Variants in ELMOD3 observed in about 807,000 individuals in gnomAD.
ELMOD3 encodes ELMO domain-containing protein 3.
In ELMOD3, 36 loss-of-function variants were observed where a neutral mutation model predicts 47.4. The observed-to-expected ratio is 0.76, with a 90% confidence interval of 0.58 to 1.00. ELMOD3 has a LOEUF of 1.00. ELMOD3 is among the 50% of genes least tolerant of loss of function. ELMOD3 has a pLI of 0.00. For synonymous variants in ELMOD3, 149 were observed against 183.5 expected (o/e 0.81, Z 1.52); for missense variants, 404 against 463.8 (o/e 0.87, Z 1.18).
Position 85,357,024 on chromosome 2 carries a change from A to G in ELMOD3, c.-175A>G. 1 of 526,582 alleles carries G rather than the reference A, an allele frequency of 1.9e-6. No individual in the cohort carries two copies. The highest frequency in any genetic ancestry group is 3.4e-6 in the Non-Finnish European group (1 of 297,454). The allele number at this position is 526,582 out of a possible 1,614,324, so 32.6% of individuals were successfully genotyped here. A position where few individuals can be genotyped will look rare whatever the true frequency, so the allele number is the denominator to read the frequency against. ...CTCAGCACTCACAGAAACCTCCTAC[A>G]CCCTCGGATGGCACAAAGGGACTGT... On this transcript the variant is annotated 5_prime_UTR_variant, in exon 4 of 14. Transcript: ENST00000409013.
intron 11 of ELMOD3, among the ~76,000 whole-genome samples, chr2:85,385,195 G>T (rs1250892331): frequency 6.6e-6 from 1 of 152,204 alleles, no homozygotes; most frequent in Admixed American, 6.5e-5. Flanking sequence ...CAAGAAAGGA[G>T]TGTGTCTAGC....
In ELMOD3 at chr2:85,371,083, C is replaced by T. The variant is rs1684753614; in HGVS notation, c.361-3C>T. ...TGCCCATTGCCTGCAACTTCTTCCC[C>T]AGAAAAGAATCCAGCCAACTATTCG... On this transcript the variant is annotated splice_region_variant and splice_polypyrimidine_tract_variant and intron_variant, in intron 8 of 13. Coordinates refer to ENST00000409013, the MANE Select transcript of ELMOD3 (RefSeq NM_001135022.2). The T allele has an allele frequency of 6.2e-7, 1 of 1,613,538 alleles. No homozygotes were observed. The highest frequency in any genetic ancestry group is 1.3e-5 in the African/African-American group (1 of 75,046).
intron 6 of ELMOD3, among the ~76,000 whole-genome samples, chr2:85,366,225 C>T (rs1464893226): frequency 6.6e-5 from 10 of 151,348 alleles, no homozygotes; most frequent in African/African-American, 2.2e-4. Context: ...CCCACCTCAG[C>T]GTCCCATAGT....
chr2:85,359,746 C>CT (rs1468609526), intron 4 of ELMOD3, among the ~76,000 whole-genome samples: 14 of 151,644 alleles, frequency 9.2e-5, no homozygotes, highest in Admixed American at 7.2e-4. Flanking sequence ...TTCTGTTTTG[C>CT]TTTTTTTTGT....
At position 85,369,771 on chromosome 2, in the gene ELMOD3, C is replaced by G. The variant is rs758919811; in HGVS notation, c.301C>G (p.Leu101Val). 5 of 1,614,108 alleles carry G rather than the reference C, an allele frequency of 3.1e-6. No homozygotes were observed. In the South Asian group the frequency reaches 4.4e-5, roughly 14 times the overall value. The part of the protein sequence containing the change: ...SQASSEQPGQ[L>V]ISFSEALQHF... ...AGCTAGCTCAGAGCAGCCTGGGCAG[C>G]TAATCTCCTTCAGTGAGGCCCTGCA... Residue 101 changes from leucine (L) to valine (V), a missense_variant, in exon 8 of 14, where the codon CTA becomes GTA. Leu to Val is a conservative substitution (Grantham distance 32). Transcript: ENST00000409013.
chr2:85,362,100 TAAAAAA>T, intron 4 of ELMOD3, 80 bp from the exon 5 acceptor site: 1 of 768,822 alleles, frequency 1.3e-6, no homozygotes. Flanking sequence ...ACTTAAAAGT[TAAAAAA>T]AAAAAAAGTA....
At chr2:85,377,757 T>C (rs1373874139) in intron 11 of ELMOD3, among the ~76,000 whole-genome samples, 1 of 152,226 alleles carries the variant, frequency 6.6e-6, no homozygotes, top group African/African-American at 2.4e-5. Flanking sequence ...AACATAAATT[T>C]AATTTCTTCA....
In ELMOD3 at chr2:85,362,177, GT is replaced by G; in HGVS notation, c.55-5del. ...GTGCCTAGGAGATTGACCCTTGTCTGTTTTACAGGGTGAAAGATTGTCTGCT... is the reference window on the plus strand; with the variant it reads ...GTGCCTAGGAGATTGACCCTTGTCTGTTTACAGGGTGAAAGATTGTCTGCT... On this transcript the variant is annotated splice_polypyrimidine_tract_variant and splice_region_variant and intron_variant, in intron 4 of 13. Transcript: ENST00000409013. 1 of 1,541,910 alleles carries G rather than the reference GT, an allele frequency of 6.5e-7. No individual in the cohort carries two copies. Among genetic ancestry groups the G allele is most frequent in the Non-Finnish European group, 9.0e-7 (1 of 1,114,136 alleles).
chr2:85,363,016 C>T (rs1310549320), intron 5 of ELMOD3, 81 bp from the exon 6 acceptor site: 2 of 847,792 alleles, frequency 2.4e-6, no homozygotes, highest in Non-Finnish European at 4.0e-6. Context: ...CAAGGACATT[C>T]AGTACAGTGG....
chr2:85,362,285 C>A (rs370525931), intron 5 of ELMOD3, 25 bp downstream of exon 5: 1 of 1,400,522 alleles, frequency 7.1e-7, no homozygotes, highest in South Asian at 1.2e-5. Context: ...CAACTTGGTA[C>A]CTTCTGCCAG....
intron 11 of ELMOD3, among the ~76,000 whole-genome samples, chr2:85,387,556 G>A (rs1295516665): frequency 6.6e-6 from 1 of 151,670 alleles, no homozygotes; most frequent in African/African-American, 2.4e-5. Context: ...CAGCTATTTG[G>A]GAGGCTGAGG....
chr2:85,363,219 T>C (rs1302084369), intron 6 of ELMOD3, 53 bp downstream of exon 6: 7 of 930,338 alleles, frequency 7.5e-6, no homozygotes, highest in Non-Finnish European at 1.1e-5. Context: ...AGTCAGACCT[T>C]CCCATGCATC....
chr2:85,364,046 A>G (rs1012890895), intron 6 of ELMOD3, among the ~76,000 whole-genome samples: 5 of 152,024 alleles, frequency 3.3e-5, no homozygotes, highest in Admixed American at 2.0e-4. Context: ...CAAGAATTGC[A>G]TGAACCCAGG....
rs2104641835 is a variant in ELMOD3 at position 85,376,607 on chromosome 2, C to T, written c.608-737C>T. ...GCTACCCTTGTGGAGCTAAGGGGTG[C>T]CTTGATACAGTTAGGCCAGGATGGA... On this transcript the variant is annotated intron_variant, in intron 10 of 13. Transcript: ENST00000409013. This position sits in a 1 kb window ranked among gnomAD's most constrained non-coding sequence, Gnocchi z 4.2. 6.6e-6 allele frequency among the ~76,000 whole-genome samples: 1 copy of T among 152,276 alleles called. No homozygotes were observed. Among genetic ancestry groups the T allele is most frequent in the East Asian group, 1.9e-4 (1 of 5,182 alleles).
chr2:85,370,922 AAC>A (rs1487252782), intron 8 of ELMOD3, among the ~76,000 whole-genome samples, 162 bp from the exon 9 acceptor site: 1 of 152,230 alleles, frequency 6.6e-6, no homozygotes, highest in Non-Finnish European at 1.5e-5. Context: ...CTAGAGACTC[AAC>A]AGGTGCCTTG....
chr2:85,361,142 C>T (rs1024333177), intron 4 of ELMOD3, among the ~76,000 whole-genome samples: 3 of 152,134 alleles, frequency 2.0e-5, no homozygotes, highest in Non-Finnish European at 2.9e-5. Context: ...TAAAAGAACA[C>T]GTTGAAAAAT....
intron 6 of ELMOD3, among the ~76,000 whole-genome samples, chr2:85,364,335 C>T (rs1684197117): frequency 6.6e-6 from 1 of 151,860 alleles, no homozygotes; most frequent in African/African-American, 2.4e-5. Flanking sequence ...CCTGTAACCC[C>T]AGCACTTTGG....
intron 6 of ELMOD3, among the ~76,000 whole-genome samples, chr2:85,363,622 T>A (rs576120275): frequency 6.6e-6 from 1 of 152,202 alleles, no homozygotes. Context: ...ATGCTGTTGA[T>A]AAAGGCATAC....
intron 6 of ELMOD3, 78 bp from the exon 7 acceptor site, chr2:85,368,608 C>A (rs1363731014): frequency 2.1e-6 from 3 of 1,459,674 alleles, no homozygotes; most frequent in Non-Finnish European, 2.9e-6. Context: ...CCAAGGCAGG[C>A]AGACAAGGCT....
Sources: gnomAD v4.1 joint callset for allele counts (sites outside exome capture counted in the v4.1 genomes callset) on GRCh38, gnomAD v4.1.1 for gene constraint, Gnocchi (gnomAD v3.1) non-coding constraint, MANE v1.5 for transcripts, NCBI Gene and HGNC (gene_info 2026-07-23, HGNC 2026-07-21) for gene names.